The following COLEC10 variants were observed in gnomAD, a reference collection of about 807,000 sequenced individuals.
COLEC10 encodes collectin-10.
In COLEC10, 22 loss-of-function variants were observed where a neutral mutation model predicts 28.4. The observed-to-expected ratio is 0.78, with a 90% CI of 0.55 to 1.11. COLEC10 has a LOEUF of 1.11. COLEC10 is among the 50% of genes least tolerant of loss of function. COLEC10 has a pLI of 0.00. For missense variants in COLEC10, 361 were observed against 344.1 expected (o/e 1.05, Z -0.39); for synonymous variants, 125 against 116.1 (o/e 1.08, Z -0.49).
chr8:119,092,439 C>G (rs1414711249), intron 3 of COLEC10, among the ~76,000 whole-genome samples: 1 of 152,152 alleles, frequency 6.6e-6, no homozygotes, highest in Non-Finnish European at 1.5e-5. Flanking sequence ...ATTGTCTAAG[C>G]ATTCCTTCCC....
rs192004574 is a variant in COLEC10, at chr8:119,106,326, C to A, written c.*135C>A. ...GAAAATGCTAAACTGAGGTATGGAGCCTCCATCATCATGCTCTTTTGTGAT... is the reference window on the plus strand; with the variant it reads ...GAAAATGCTAAACTGAGGTATGGAGACTCCATCATCATGCTCTTTTGTGAT... On this transcript the variant is annotated 3_prime_UTR_variant, in exon 6 of 6. Coordinates refer to ENST00000332843, the MANE Select transcript of COLEC10 (RefSeq NM_006438.5). 58 of 817,436 alleles carry A rather than the reference C, an allele frequency of 7.1e-5. 1 individual carries two copies. In the East Asian group the frequency reaches 1.4e-3, roughly 19 times the overall value. 50.6% of individuals were successfully genotyped at this position (817,436 alleles called of 1,614,324 possible).
chr8:119,039,738 G>A (rs1940332666), intron 2 of COLEC10, among the ~76,000 whole-genome samples: 1 of 152,120 alleles, frequency 6.6e-6, no homozygotes, highest in South Asian at 2.1e-4. Flanking sequence ...GTTTCTAGAA[G>A]GCTTGCATGT....
the COLEC10 span, among the ~76,000 whole-genome samples, chr8:118,957,242 C>A: frequency 6.6e-6 from 1 of 152,202 alleles, no homozygotes. Context: ...ACTTCTGAAG[C>A]TTACAGTCAA....
At chr8:119,086,700 A>G (rs1195831490) in intron 1 of COLEC10, among the ~76,000 whole-genome samples, 1 of 152,234 alleles carries the variant, frequency 6.6e-6, no homozygotes, top group Non-Finnish European at 1.5e-5. Flanking sequence ...AGCTTATAGA[A>G]GGGGAAGAAG....
At chr8:119,026,584 C>T (rs2130118476) in intron 2 of COLEC10, among the ~76,000 whole-genome samples, 1 of 152,212 alleles carries the variant, frequency 6.6e-6, no homozygotes, top group Admixed American at 6.5e-5. Flanking sequence ...CATCTGGATT[C>T]AAATGGTAGC....
intron 3 of COLEC10, among the ~76,000 whole-genome samples, chr8:119,097,478 A>G (rs1051403593): frequency 4.6e-5 from 7 of 152,122 alleles, no homozygotes; most frequent in African/African-American, 1.4e-4. Context: ...CGAAAATATT[A>G]TAATGTTTAG....
intron 3 of COLEC10, among the ~76,000 whole-genome samples, chr8:119,100,055 T>C (rs115669158): frequency 6.6e-6 from 1 of 152,222 alleles, no homozygotes; most frequent in African/African-American, 2.4e-5. Flanking sequence ...AATCAAAACA[T>C]TAAACCCATA....
intron 1 of COLEC10, among the ~76,000 whole-genome samples, chr8:118,997,379 T>C (rs1421040891): frequency 1.3e-5 from 2 of 152,206 alleles, no homozygotes; most frequent in African/African-American, 4.8e-5. Context: ...ATAAATCATT[T>C]TCAAGACCAA....
chr8:118,992,511 A>G (rs17831286), upstream of COLEC10, among the ~76,000 whole-genome samples: 7,431 of 152,254 alleles, frequency 0.049, 282 homozygotes, highest in East Asian at 0.17. Flanking sequence ...CGATGGGCAG[A>G]CAGAAATCTG....
At chr8:119,040,822 C>G (rs1301645937) in intron 2 of COLEC10, among the ~76,000 whole-genome samples, 2 of 152,194 alleles carry the variant, frequency 1.3e-5, no homozygotes, top group Non-Finnish European at 2.9e-5. Flanking sequence ...CACTTCAAAA[C>G]TGTAGCCCCA....
intron 2 of COLEC10, among the ~76,000 whole-genome samples, chr8:119,028,711 G>C (rs79778106): frequency 0.044 from 6,686 of 152,182 alleles, 214 homozygotes; most frequent in East Asian, 0.16. Context: ...GTTATTATAT[G>C]TTTTCTAAAA....
chr8:119,105,844 G>A lies in COLEC10; in HGVS notation c.487G>A (p.Val163Met), dbSNP rs769900711. 30 of 1,613,524 alleles carry A rather than the reference G, an allele frequency of 1.9e-5. No homozygotes were observed. The highest frequency in any genetic ancestry group is 5.5e-5 in the South Asian group (5 of 91,066). ...RETEEKFYYIVQEEKNYRESL... is the reference protein window; with the variant it reads ...RETEEKFYYIMQEEKNYRESL... ...AACTGAAGAGAAATTCTACTACATC[G>A]TGCAGGAAGAGAAGAACTACAGGGA... Residue 163 changes from valine to methionine, a missense_variant, in exon 6 of 6, where the codon GTG (valine) becomes ATG (methionine). Coordinates refer to ENST00000332843, the MANE Select transcript of COLEC10 (RefSeq NM_006438.5).
At chr8:118,985,447 G>A in the COLEC10 span, among the ~76,000 whole-genome samples, 6 of 152,118 alleles carry the variant, frequency 3.9e-5, no homozygotes, top group African/African-American at 9.6e-5. Flanking sequence ...AGAAAAAAGC[G>A]GCTTCTGAGC....
chr8:118,987,402 G>A, the COLEC10 span, among the ~76,000 whole-genome samples: 1 of 151,988 alleles, frequency 6.6e-6, no homozygotes, highest in Non-Finnish European at 1.5e-5. Flanking sequence ...TGTCTCTACT[G>A]AAAACACAAA....
At chr8:119,022,955 T>C (rs779778646) in intron 2 of COLEC10, among the ~76,000 whole-genome samples, 1 of 152,100 alleles carries the variant, frequency 6.6e-6, no homozygotes, top group Admixed American at 6.6e-5. Context: ...GATCTTCCTC[T>C]TACTCAACAA....
At chr8:119,031,729 G>A (rs1258443578) in intron 2 of COLEC10, among the ~76,000 whole-genome samples, 2 of 152,106 alleles carry the variant, frequency 1.3e-5, no homozygotes, top group East Asian at 1.9e-4. Flanking sequence ...TTCTGATTGT[G>A]TTAAATTTAA....
chr8:119,021,789 C>T (rs1814102448), intron 2 of COLEC10, among the ~76,000 whole-genome samples: 1 of 152,128 alleles, frequency 6.6e-6, no homozygotes, highest in African/African-American at 2.4e-5. Flanking sequence ...CAATTTTGAG[C>T]TTGGCTCTGT....
intron 1 of COLEC10, among the ~76,000 whole-genome samples, chr8:119,082,131 T>C (rs1815382552): frequency 6.6e-6 from 1 of 152,074 alleles, no homozygotes; most frequent in Non-Finnish European, 1.5e-5. Context: ...TACTGAGCCT[T>C]GGAAATTAGA....
At chr8:118,969,025 G>C in the COLEC10 span, among the ~76,000 whole-genome samples, 2 of 152,038 alleles carry the variant, frequency 1.3e-5, no homozygotes, top group Non-Finnish European at 2.9e-5. Flanking sequence ...AGGATCTTGA[G>C]TTAGAGGCAT....
Sources: allele counts gnomAD v4.1 joint callset (sites outside exome capture counted in the v4.1 genomes callset), GRCh38; gene constraint gnomAD v4.1.1; transcripts MANE v1.5; gene names NCBI Gene and HGNC (gene_info 2026-07-23, HGNC 2026-07-21).